The following FGF12 variants were observed in gnomAD, a reference collection of about 807,000 sequenced individuals.
The protein encoded by FGF12 is fibroblast growth factor 12B.
Under a neutral mutation model 23.6 loss-of-function variants are expected in FGF12, and 14 were observed. The observed-to-expected ratio is 0.59, with a 90% CI of 0.39 to 0.93. The LOEUF is 0.93. FGF12 is among the 40% of genes least tolerant of loss of function. FGF12 has a pLI of 0.00. For synonymous variants in FGF12, 62 were observed against 77.3 expected (o/e 0.80, Z 1.04); for missense variants, 175 against 217.8 (o/e 0.80, Z 1.24).
At chr3:192,251,383 T>C (rs1712001488) in intron 4 of FGF12, among the ~76,000 whole-genome samples, 1 of 152,170 alleles carries the variant, frequency 6.6e-6, no homozygotes, top group Admixed American at 6.5e-5. Flanking sequence ...TAAATTTGGC[T>C]ATAACAGGTG....
intron 2 of FGF12, among the ~76,000 whole-genome samples, chr3:192,696,080 C>T (rs532681383): frequency 3.9e-5 from 6 of 151,950 alleles, no homozygotes; most frequent in South Asian, 2.1e-4. Context: ...ACCTGGGTGA[C>T]GGAGAAAGAT....
intron 4 of FGF12, among the ~76,000 whole-genome samples, chr3:192,240,619 C>T (rs1719567465): frequency 6.6e-6 from 1 of 152,232 alleles, no homozygotes; most frequent in African/African-American, 2.4e-5. Flanking sequence ...GATTATCTCA[C>T]CCAATGTCCC....
At chr3:192,420,823 G>T (rs1027604473) in intron 2 of FGF12, among the ~76,000 whole-genome samples, 2 of 152,004 alleles carry the variant, frequency 1.3e-5, no homozygotes, top group Non-Finnish European at 2.9e-5. Flanking sequence ...TTAATTATTG[G>T]CAAAAAGAAA....
chr3:192,294,391 T>A (rs1714920191), intron 4 of FGF12, among the ~76,000 whole-genome samples: 1 of 152,136 alleles, frequency 6.6e-6, no homozygotes, highest in Admixed American at 6.6e-5. Flanking sequence ...CCCCATTTCC[T>A]AAAACTACCA....
intron 5 of FGF12, among the ~76,000 whole-genome samples, chr3:192,158,933 C>T (rs1451007544): frequency 6.6e-6 from 1 of 151,960 alleles, no homozygotes; most frequent in Non-Finnish European, 1.5e-5. Flanking sequence ...TGCACTCAGT[C>T]CCAGCCCTTC....
At chr3:192,259,431 C>T (rs1321210778) in intron 4 of FGF12, among the ~76,000 whole-genome samples, 2 of 151,948 alleles carry the variant, frequency 1.3e-5, no homozygotes, top group South Asian at 2.1e-4. Context: ...TAAAATAGAA[C>T]AAAAAATGAA....
At chr3:192,243,795 TA>T (rs1719744867) in intron 4 of FGF12, among the ~76,000 whole-genome samples, 1 of 152,084 alleles carries the variant, frequency 6.6e-6, no homozygotes, top group Admixed American at 6.5e-5. Context: ...TAAAATGCCA[TA>T]AACCAATCAA....
chr3:192,174,736 G>A (rs1407561359), intron 4 of FGF12, among the ~76,000 whole-genome samples: 3 of 146,438 alleles, frequency 2.0e-5, no homozygotes, highest in Non-Finnish European at 4.5e-5. Context: ...AGCCCTACAC[G>A]TGGAGTAAAA....
chr3:192,664,762 C>T (rs1716801219), intron 2 of FGF12, among the ~76,000 whole-genome samples: 1 of 152,072 alleles, frequency 6.6e-6, no homozygotes, highest in African/African-American at 2.4e-5. Context: ...GAGACTCCGT[C>T]TCACAACAAC....
rs751150448 is a variant in FGF12 at position 192,158,346 on chromosome 3, CTT to C, written c.427+12110_427+12111del. On this transcript the variant is annotated intron_variant, in intron 5 of 5. Transcript: ENST00000445105. Reference sequence around the variant, plus strand: ...TTTCTTTCTTTCTCTTTCTTTCTTTCTTTCTTTCTTTCTTTCTTTCTTTCTTT... The same window carrying C: ...TTTCTTTCTTTCTCTTTCTTTCTTTCTCTTTCTTTCTTTCTTTCTTTCTTT... Among the ~76,000 whole-genome samples, 34 of 93,438 alleles carry C rather than the reference CTT, an allele frequency of 3.6e-4. 1 individual carries two copies. The highest frequency in any genetic ancestry group is 8.0e-4 in the African/African-American group (19 of 23,636). The allele number at this position is 93,438 out of a possible 152,430, so 61.3% of individuals were successfully genotyped here.
chr3:192,516,385 C>A (rs993074637), intron 2 of FGF12: 1 of 152,212 alleles, frequency 6.6e-6, no homozygotes, highest in Non-Finnish European at 1.5e-5. Context: ...TTGTTCCATC[C>A]ATTGTCTCAA....
chr3:192,155,530 G>A (rs533923550), intron 5 of FGF12, among the ~76,000 whole-genome samples: 1 of 152,124 alleles, frequency 6.6e-6, no homozygotes, highest in Non-Finnish European at 1.5e-5. Flanking sequence ...TTTGTTTTGG[G>A]GGGGAGCTTA....
At chr3:192,407,871 A>C (rs1721027585) in intron 2 of FGF12, among the ~76,000 whole-genome samples, 1 of 152,242 alleles carries the variant, frequency 6.6e-6, no homozygotes, top group Non-Finnish European at 1.5e-5. Context: ...CTATTAACTG[A>C]CAGAGTGGTT....
intron 4 of FGF12, among the ~76,000 whole-genome samples, chr3:192,248,790 C>G (rs1385985991): frequency 6.6e-6 from 1 of 151,944 alleles, no homozygotes; most frequent in Non-Finnish European, 1.5e-5. Context: ...AAAATAAATA[C>G]ACAAATATAT....
intron 4 of FGF12, among the ~76,000 whole-genome samples, chr3:192,174,700 C>T (rs1560179000): frequency 1.4e-5 from 2 of 142,466 alleles, no homozygotes; most frequent in African/African-American, 2.5e-5. Flanking sequence ...TATTATGCCT[C>T]TTTTTTTTTT....
intron 2 of FGF12, among the ~76,000 whole-genome samples, chr3:192,571,465 C>T (rs1712631786): frequency 6.6e-6 from 1 of 152,246 alleles, no homozygotes; most frequent in Non-Finnish European, 1.5e-5. Context: ...ACGGAGCGCG[C>T]GAGCAGCGCG....
intron 2 of FGF12, among the ~76,000 whole-genome samples, chr3:192,386,190 C>T (rs1347313810): frequency 6.6e-6 from 1 of 152,200 alleles, no homozygotes; most frequent in Non-Finnish European, 1.5e-5. Context: ...TTCCACAGTT[C>T]CACGCTGACT....
At chr3:192,449,334 G>C (rs928760299) in intron 2 of FGF12, among the ~76,000 whole-genome samples, 2 of 152,048 alleles carry the variant, frequency 1.3e-5, no homozygotes, top group African/African-American at 4.8e-5. Context: ...ATTTGTGAGG[G>C]GAATACTCAC....
chr3:192,284,535 AG>A (rs546632025), intron 4 of FGF12, among the ~76,000 whole-genome samples: 42 of 152,160 alleles, frequency 2.8e-4, no homozygotes, highest in African/African-American at 9.6e-4. Context: ...AAGGGAGAGG[AG>A]ATTTTCAAAA....
Sources: gnomAD v4.1 joint callset for allele counts (sites outside exome capture counted in the v4.1 genomes callset) on GRCh38, gnomAD v4.1.1 for gene constraint, MANE v1.5 for transcripts, NCBI Gene and HGNC (gene_info 2026-07-23, HGNC 2026-07-21) for gene names.